The following IPO9 variants were observed in gnomAD, a reference collection of about 807,000 sequenced individuals.
IPO9 encodes the protein importin-9.
IPO9 carries 28 observed loss-of-function variants against 128.6 expected under a neutral mutation model. The observed-to-expected ratio is 0.22, with a 90% CI of 0.16 to 0.30. The LOEUF is 0.30. Among genes scored for constraint, IPO9 ranks in the 10% least tolerant of loss-of-function variants. The pLI is 1.00. For synonymous variants in IPO9, 455 were observed against 475.8 expected, an observed-to-expected ratio of 0.96 and a Z score of 0.57; for missense variants, 935 against 1,293.9, an observed-to-expected ratio of 0.72 and a Z score of 4.26.
intron 13 of IPO9, 78 bp from the exon 14 acceptor site, chr1:201,863,370 A>T: frequency 7.0e-7 from 1 of 1,419,094 alleles, no homozygotes; most frequent in Non-Finnish European, 9.5e-7. Flanking sequence ...AAAATTGAGG[A>T]ATGAATGTGG....
intron 4 of IPO9, among the ~76,000 whole-genome samples, chr1:201,851,117 G>A (rs1217406358): frequency 6.6e-6 from 1 of 151,736 alleles, no homozygotes; most frequent in Non-Finnish European, 1.5e-5. Flanking sequence ...CTGGGCTCAA[G>A]CGAGCCTCCT....
Position 201,863,471 on chromosome 1 carries a change from G to A in IPO9, c.1492G>A (p.Ala498Thr), listed in dbSNP as rs200231992. 5 of 1,581,526 alleles carry A rather than the reference G, an allele frequency of 3.2e-6. No individual in the cohort carries two copies. Among genetic ancestry groups the A allele is most frequent in the Non-Finnish European group, 4.3e-6 (5 of 1,154,682 alleles). The change falls in exon 14 of 24, where the codon GCA (alanine) becomes ACA (threonine). Residue 498 changes from alanine (A) to threonine (T), a missense_variant. By Grantham distance (58) the Ala-to-Thr change is moderately conservative. Transcript: ENST00000361565. ...LSVSPFLLGR[A>T]LWAASRFTVA... is the part of the protein sequence containing the mutation. ...AGTGTCTCCTTTCCTCTTGGGCCGG[G>A]CACTTTGGGCTGCCAGTCGGTTCAC...
intron 13 of IPO9, among the ~76,000 whole-genome samples, 186 bp downstream of exon 13, chr1:201,859,180 A>AATATATATATATATATAT (rs148348918): frequency 8.4e-5 from 7 of 83,440 alleles, no homozygotes; most frequent in African/African-American, 2.8e-4. Context: ...CTCAAAGTAT[A>AATATATATATATATATAT]ATATATATAT....
Position 201,853,702 on chromosome 1 carries a change from T to C in IPO9, c.690+605T>C, listed in dbSNP as rs557321357. ...AGTAGGTGAGATCACCAGCATGTGC[T>C]ACCACTCCTGGCTAATGAATGAATG... On this transcript the variant is annotated intron_variant, in intron 6 of 23. Transcript: ENST00000361565. Among the ~76,000 whole-genome samples, 149 of 152,162 alleles carry C rather than the reference T, an allele frequency of 9.8e-4. 1 individual carries two copies. Among genetic ancestry groups the C allele is most frequent in the Middle Eastern group, 3.4e-3 (1 of 294 alleles).
At position 201,879,925 on chromosome 1, in the gene IPO9, G is replaced by T. The variant is rs1281186741; in HGVS notation, c.*3871G>T. On this transcript the variant is annotated 3_prime_UTR_variant, in exon 24 of 24. Coordinates refer to ENST00000361565, the MANE Select transcript of IPO9 (RefSeq NM_018085.5). ...ATGGTGGCACGTGCCTGTAATCCCA[G>T]CTACTCGGGAGGCTGAGGCGGGAGA... is the stretch of plus-strand genomic sequence containing the variant. 2 of 152,228 alleles carry T rather than the reference G, an allele frequency of 1.3e-5. No individual in the cohort carries two copies. The highest frequency in any genetic ancestry group is 2.9e-5 in the Non-Finnish European group (2 of 68,062). 9.4% of individuals were successfully genotyped at this position (152,228 alleles called of 1,614,324 possible). A position where few individuals can be genotyped will look rare whatever the true frequency, so the allele number is the denominator to read the frequency against.
rs541050956 is a variant in IPO9, at chr1:201,837,597, C to T, written c.163+8225C>T. Among the ~76,000 whole-genome samples, 22 of 152,268 alleles carry T rather than the reference C, an allele frequency of 1.4e-4. No individual in the cohort carries two copies. In the South Asian group the frequency reaches 4.6e-3, roughly 32 times the overall value. ...TAAGCTTAAAGTCTTAAGTTTCAAA[C>T]CCTTCTCAAAAAGTCTCATTCCTCA... On this transcript the variant is annotated intron_variant, in intron 1 of 23. Transcript: ENST00000361565.
chr1:201,858,367 A>T, intron 11 of IPO9, 80 bp from the exon 12 acceptor site: 1 of 701,370 alleles, frequency 1.4e-6, no homozygotes, highest in Non-Finnish European at 2.3e-6. Flanking sequence ...ATCACTTCTA[A>T]CAGTCATGAC....
At chr1:201,836,559 A>G (rs1234054013) in intron 1 of IPO9, among the ~76,000 whole-genome samples, 1 of 152,098 alleles carries the variant, frequency 6.6e-6, no homozygotes, top group African/African-American at 2.4e-5. Context: ...CTAATTTTGC[A>G]TCGGTTTTAT....
rs1376713110 is a variant in IPO9 at position 201,882,753 on chromosome 1, G to A, written c.*6699G>A. 1 of 152,442 alleles carries A rather than the reference G, an allele frequency of 6.6e-6. No individual in the cohort carries two copies. The highest frequency in any genetic ancestry group is 1.5e-5 in the Non-Finnish European group (1 of 68,030). 9.4% of individuals were successfully genotyped at this position (152,442 alleles called of 1,614,324 possible). On this transcript the variant is annotated 3_prime_UTR_variant, in exon 24 of 24. Transcript: ENST00000361565. ...TGACTTGGCATGATTACATAGCTGC[G>A]GCAAGTGACGTTTCCTTCAAGCCTT...
chr1:201,836,140 A>AC (rs1458218279), intron 1 of IPO9, among the ~76,000 whole-genome samples: 1 of 151,162 alleles, frequency 6.6e-6, no homozygotes, highest in Non-Finnish European at 1.5e-5. Context: ...AAAAAAAAAA[A>AC]AAACAGACAC....
chr1:201,837,621 C>T (rs1359067844), intron 1 of IPO9, among the ~76,000 whole-genome samples: 1 of 152,176 alleles, frequency 6.6e-6, no homozygotes, highest in Non-Finnish European at 1.5e-5. Flanking sequence ...TCTCATTCCT[C>T]AGTATCTTTT....
chr1:201,835,294 ATGCTCTCCTT>A (rs964647569), intron 1 of IPO9, among the ~76,000 whole-genome samples: 8 of 152,172 alleles, frequency 5.3e-5, no homozygotes, highest in Non-Finnish European at 1.0e-4. Context: ...TTTATCCTCC[ATGCTCTCCTT>A]TGGGTTTTCC....
At position 201,829,179 on chromosome 1, in the gene IPO9, C is replaced by G. The variant is rs1017139089; in HGVS notation, c.-31C>G. 6.8e-7 allele frequency: 1 copy of G among 1,464,766 alleles called. No individual in the cohort carries two copies. Among genetic ancestry groups the G allele is most frequent in the Non-Finnish European group, 9.0e-7 (1 of 1,108,790 alleles). 90.7% of individuals were successfully genotyped at this position (1,464,766 alleles called of 1,614,324 possible). On this transcript the variant is annotated 5_prime_UTR_variant, in exon 1 of 24. Transcript: ENST00000361565. ...GCCGTCATTCGGTGGCGGGTCCCGG[C>G]CGCGGGGCTGGCGGGCTGAGGGGAG...
chr1:201,861,261 A>G (rs1680440651), intron 13 of IPO9, among the ~76,000 whole-genome samples: 1 of 152,226 alleles, frequency 6.6e-6, no homozygotes, highest in Admixed American at 6.5e-5. Context: ...TCCTTTGGGA[A>G]CTGCTTCTGT....
intron 1 of IPO9, among the ~76,000 whole-genome samples, chr1:201,829,731 G>A (rs916753776): frequency 6.6e-6 from 1 of 152,124 alleles, no homozygotes; most frequent in Non-Finnish European, 1.5e-5. Flanking sequence ...AAAGTCTTTC[G>A]CTGTTCTCTT....
intron 1 of IPO9, among the ~76,000 whole-genome samples, chr1:201,846,640 T>A (rs1471511553): frequency 6.6e-6 from 1 of 152,152 alleles, no homozygotes; most frequent in Non-Finnish European, 1.5e-5. Context: ...CCCAAAGTGC[T>A]AGGATTATAG....
intron 14 of IPO9, among the ~76,000 whole-genome samples, chr1:201,864,851 A>G (rs941514993): frequency 6.6e-6 from 1 of 152,202 alleles, no homozygotes; most frequent in African/African-American, 2.4e-5. Flanking sequence ...AATCAGAAGA[A>G]CTGTGAAGAA....
intron 9 of IPO9, among the ~76,000 whole-genome samples, chr1:201,855,491 A>C (rs76132307): frequency 0.012 from 1,780 of 152,308 alleles, 14 homozygotes; most frequent in Middle Eastern, 0.048. Context: ...CAGATCATGA[A>C]TCTTTCGTTT....
chr1:201,832,306 T>G (rs1053188746), intron 1 of IPO9, among the ~76,000 whole-genome samples: 2 of 151,252 alleles, frequency 1.3e-5, no homozygotes, highest in African/African-American at 4.9e-5. Context: ...GGGCCCAGGC[T>G]GGAGTGCAGT....
Sources: gnomAD v4.1 joint callset for allele counts (sites outside exome capture counted in the v4.1 genomes callset) on GRCh38, gnomAD v4.1.1 for gene constraint, MANE v1.5 for transcripts, NCBI Gene and HGNC (gene_info 2026-07-23, HGNC 2026-07-21) for gene names.